The following GPT2 variants were observed in gnomAD, a reference collection of about 807,000 sequenced individuals.
GPT2 encodes alanine aminotransferase 2.
Under a neutral mutation model 56.9 loss-of-function variants are expected in GPT2, and 30 were observed. That is an observed-to-expected ratio of 0.53 (90% CI 0.39 to 0.72). The LOEUF is 0.72. Among genes scored for constraint, GPT2 ranks in the 30% least tolerant of loss-of-function variants. The probability of loss-of-function intolerance (pLI) is 0.00; values close to 1 mark genes in which losing one functional copy is unlikely to be tolerated. For synonymous variants in GPT2, 271 were observed against 283.1 expected, an observed-to-expected ratio of 0.96 and a Z score of 0.43; for missense variants, 542 against 703.4, an observed-to-expected ratio of 0.77 and a Z score of 2.60.
At chr16:46,918,172 G>C (rs377076019) in intron 7 of GPT2, among the ~76,000 whole-genome samples, 1 of 152,204 alleles carries the variant, frequency 6.6e-6, no homozygotes, top group Non-Finnish European at 1.5e-5. Flanking sequence ...CCACTCGAGT[G>C]GGGGGTTAAG....
rs1960452953 is a variant in GPT2, at chr16:46,884,897, A to C, written c.182A>C (p.Glu61Ala). ...ESMNPQVKAV[E>A]YAVRGPIVLK... ...ATGAACCCGCAGGTGAAGGCGGTGGAGTACGCCGTGCGGGGACCCATCGTG... is the reference window on the plus strand; with the variant it reads ...ATGAACCCGCAGGTGAAGGCGGTGGCGTACGCCGTGCGGGGACCCATCGTG... Residue 61 changes from glutamate to alanine, a missense_variant, in exon 2 of 12, where the codon GAG becomes GCG. Coordinates refer to ENST00000340124, the MANE Select transcript of GPT2 (RefSeq NM_133443.4). 6.5e-7 allele frequency: 1 copy of C among 1,543,260 alleles called. No individual in the cohort carries two copies. The highest frequency in any genetic ancestry group is 1.4e-5 in the African/African-American group (1 of 72,352).
At chr16:46,891,739 C>T (rs912879527) in intron 2 of GPT2, among the ~76,000 whole-genome samples, 1 of 151,698 alleles carries the variant, frequency 6.6e-6, no homozygotes, top group African/African-American at 2.4e-5. Context: ...GGTATCCATC[C>T]CCTCCAGCAT....
At chr16:46,919,944 C>T (rs773774219) in intron 8 of GPT2, among the ~76,000 whole-genome samples, 16 of 152,190 alleles carry the variant, frequency 1.1e-4, no homozygotes, top group Non-Finnish European at 1.6e-4. Flanking sequence ...CAGTGGCTCA[C>T]GCCTGTGATC....
At chr16:46,884,623 G>T (rs578140583) in intron 1 of GPT2, 71 bp from the exon 2 acceptor site, 3 of 1,299,386 alleles carry the variant, frequency 2.3e-6, no homozygotes, top group Non-Finnish European at 2.9e-6. Context: ...CCTTGGCTGG[G>T]CTTGTGTGGG....
chr16:46,908,599 G>A (rs1022525042), intron 5 of GPT2, among the ~76,000 whole-genome samples: 3 of 152,038 alleles, frequency 2.0e-5, no homozygotes, highest in African/African-American at 7.3e-5. Flanking sequence ...AGCTCTTATT[G>A]GAGCCCATGG....
intron 8 of GPT2, 52 bp downstream of exon 8, chr16:46,918,809 G>T (rs775957512): frequency 6.2e-7 from 1 of 1,601,850 alleles, no homozygotes; most frequent in South Asian, 1.1e-5. Context: ...AGATCCTCAC[G>T]CTGCCGGCTC....
In GPT2 at chr16:46,890,341, T is replaced by C. The variant is rs569359434; in HGVS notation, c.243+5383T>C. ...TGGGATCAGGAGCCCGGGAGCATTT[T>C]CACATTGTGCTCCTAGGCCTGGGAC... On this transcript the variant is annotated intron_variant, in intron 2 of 11. Transcript: ENST00000340124. Among the ~76,000 whole-genome samples the C allele has an allele frequency of 2.6e-5, 4 of 152,300 alleles. No individual in the cohort carries two copies. In the South Asian group the frequency reaches 8.3e-4, roughly 32 times the overall value.
intron 5 of GPT2, among the ~76,000 whole-genome samples, chr16:46,909,169 C>T (rs1332667451): frequency 7.2e-5 from 11 of 152,074 alleles, no homozygotes; most frequent in Non-Finnish European, 1.5e-5. Context: ...TTCCTGGGCC[C>T]CACCCCTGAC....
intron 6 of GPT2, among the ~76,000 whole-genome samples, chr16:46,910,718 C>T (rs1439841775): frequency 6.6e-6 from 1 of 152,176 alleles, no homozygotes; most frequent in Non-Finnish European, 1.5e-5. Flanking sequence ...GTCTCAGCCT[C>T]CTGAGTAGCT....
At chr16:46,924,588 C>G (rs780613253) in intron 10 of GPT2, 44 bp downstream of exon 10, 1 of 1,603,476 alleles carries the variant, frequency 6.2e-7, no homozygotes. Context: ...CCAGGTTCAC[C>G]TGAGATGCTG....
intron 6 of GPT2, chr16:46,915,750 ACT>A (rs1034805722): frequency 2.8e-5 from 4 of 143,368 alleles, no homozygotes; most frequent in East Asian, 2.2e-4. Context: ...CACACTACAG[ACT>A]CACACACACA....
chr16:46,895,835 TG>T lies in GPT2; in HGVS notation c.244-1811del, dbSNP rs1213020733. ...GGTGTGAGCCACCACGTCCAGCCAC[TG>T]GTTTTTACTTAAGGTGTACATTACT... On this transcript the variant is annotated intron_variant, in intron 2 of 11. Transcript: ENST00000340124. Among the ~76,000 whole-genome samples, 3 of 152,368 alleles carry T rather than the reference TG, an allele frequency of 2.0e-5. No individual in the cohort carries two copies. The East Asian group carries it at 5.8e-4, about 29-fold the overall frequency.
chr16:46,898,443 G>A (rs556031308), intron 3 of GPT2, among the ~76,000 whole-genome samples: 6 of 152,368 alleles, frequency 3.9e-5, no homozygotes, highest in Admixed American at 2.0e-4. Flanking sequence ...GGCTGGAGGC[G>A]GTGGGGTGGG....
At chr16:46,899,330 A>T (rs1960771914) in intron 3 of GPT2, among the ~76,000 whole-genome samples, 1 of 152,124 alleles carries the variant, frequency 6.6e-6, no homozygotes, top group Non-Finnish European at 1.5e-5. Context: ...TTTTGGATCA[A>T]AATGCAGTGC....
intron 7 of GPT2, 52 bp from the exon 8 acceptor site, chr16:46,918,569 C>T: frequency 1.3e-5 from 21 of 1,599,254 alleles, no homozygotes; most frequent in Non-Finnish European, 1.7e-5. Context: ...CCACACTGGG[C>T]AGCAGCCTCT....
intron 6 of GPT2, among the ~76,000 whole-genome samples, chr16:46,914,397 A>G (rs766534560): frequency 3.3e-5 from 5 of 152,218 alleles, no homozygotes; most frequent in Non-Finnish European, 5.9e-5. Flanking sequence ...TTAGCTGGGC[A>G]TGGTGGCTTA....
chr16:46,909,880 A>G lies in GPT2; in HGVS notation c.773A>G (p.His258Arg). Residue 258 changes from histidine to arginine, a missense_variant, in exon 6 of 12, where the codon CAC (histidine) becomes CGC (arginine). Coordinates refer to ENST00000340124, the MANE Select transcript of GPT2 (RefSeq NM_133443.4). The part of the protein sequence containing the change: ...LRRAVQEAKD[H>R]CDPKVLCIIN... ...CGGGCGGTGCAGGAGGCCAAAGACC[A>G]CTGTGATCCTAAGGTGCTCTGCATA... 3 of 1,614,074 alleles carry G rather than the reference A, an allele frequency of 1.9e-6. No homozygotes were observed. The highest frequency in any genetic ancestry group is 2.5e-6 in the Non-Finnish European group (3 of 1,179,996).
intron 9 of GPT2, 192 bp from the exon 10 acceptor site, chr16:46,924,197 T>C: frequency 1.5e-6 from 1 of 674,758 alleles, no homozygotes; most frequent in Non-Finnish European, 2.7e-6. Flanking sequence ...ACTCCGTCTG[T>C]GTGGTGTGCA....
chr16:46,907,900 G>C (rs989704665), intron 5 of GPT2, among the ~76,000 whole-genome samples: 4 of 152,248 alleles, frequency 2.6e-5, no homozygotes, highest in Admixed American at 6.5e-5. Flanking sequence ...GTTACTTGCA[G>C]TCTGGAGTGC....
Sources: allele counts gnomAD v4.1 joint callset (sites outside exome capture counted in the v4.1 genomes callset), GRCh38; gene constraint gnomAD v4.1.1; transcripts MANE v1.5; gene names NCBI Gene and HGNC (gene_info 2026-07-23, HGNC 2026-07-21).